Variants in LCORL observed in about 807,000 individuals in gnomAD.
LCORL encodes ligand-dependent nuclear receptor corepressor-like protein.
In LCORL, 41 loss-of-function variants were observed where a neutral mutation model predicts 141.8. The ratio of observed to expected loss-of-function variants is 0.29; its 90% CI spans 0.23 to 0.38. The LOEUF (loss-of-function observed/expected upper bound fraction) is 0.38. LCORL is among the 10% of genes least tolerant of loss of function. LCORL has a pLI of 1.00. For synonymous variants in LCORL, 618 were observed against 694.1 expected, an observed-to-expected ratio of 0.89 and a Z score of 1.72; for missense variants, 1,759 against 2,035.0, an observed-to-expected ratio of 0.86 and a Z score of 2.61.
In LCORL at chr4:18,021,170, G is replaced by C. The variant is rs1725498448; in HGVS notation, c.154+428C>G. On this transcript the variant is annotated intron_variant, in intron 1 of 7. Coordinates refer to ENST00000635767, the Ensembl canonical transcript of LCORL. The surrounding 1 kb of genome is among the most constrained non-coding windows in gnomAD (Gnocchi z 5.5). ...GTGTGTGTGCGCTCGGCGGGGGCGC[G>C]GACCAGCCCGCCTTCCTCCGGCCGC... is the stretch of plus-strand genomic sequence containing the variant. Among the ~76,000 whole-genome samples, 4 of 151,906 alleles carry C rather than the reference G, an allele frequency of 2.6e-5. No individual in the cohort carries two copies. The highest frequency in any genetic ancestry group is 9.7e-5 in the African/African-American group (4 of 41,394).
At chr4:17,899,303 C>T (rs1315483226) in intron 5 of LCORL, among the ~76,000 whole-genome samples, 1 of 151,952 alleles carries the variant, frequency 6.6e-6, no homozygotes, top group Admixed American at 6.6e-5. Flanking sequence ...TGGAATTTAT[C>T]ATTTTCTTAT....
chr4:17,933,756 T>C (rs1044985227), intron 4 of LCORL, among the ~76,000 whole-genome samples: 15 of 152,078 alleles, frequency 9.9e-5, no homozygotes, highest in Non-Finnish European at 2.2e-4. Flanking sequence ...GCAATTACTG[T>C]CATATGTAAA....
intron 1 of LCORL, among the ~76,000 whole-genome samples, chr4:17,992,685 TAACA>T (rs1222568453): frequency 6.6e-6 from 1 of 152,196 alleles, no homozygotes; most frequent in Non-Finnish European, 1.5e-5. Flanking sequence ...TTGACCTCCA[TAACA>T]AACAGACTCT....
At chr4:17,954,458 T>TA (rs1712162415) in intron 4 of LCORL, among the ~76,000 whole-genome samples, 1 of 152,172 alleles carries the variant, frequency 6.6e-6, no homozygotes, top group Admixed American at 6.5e-5. Flanking sequence ...CCAGACCACA[T>TA]AGAGTCCTTG....
At chr4:17,940,118 A>ATATATATGTATATGTG (rs1737623934) in intron 4 of LCORL, among the ~76,000 whole-genome samples, 2 of 118,896 alleles carry the variant, frequency 1.7e-5, no homozygotes, top group Admixed American at 9.0e-5. Flanking sequence ...ATGTGTGTGT[A>ATATATATGTATATGTG]TATATATATG....
intron 4 of LCORL, among the ~76,000 whole-genome samples, chr4:17,916,915 C>T (rs1014762082): frequency 4.0e-5 from 6 of 151,872 alleles, no homozygotes; most frequent in East Asian, 1.9e-4. Flanking sequence ...AAAGTACTGG[C>T]GTGAGCCACC....
chr4:17,988,605 ATTTC>A (rs1418496914), intron 1 of LCORL, among the ~76,000 whole-genome samples: 9 of 148,334 alleles, frequency 6.1e-5, no homozygotes, highest in South Asian at 2.2e-4. Flanking sequence ...ACATTTTATC[ATTTC>A]TTTAATAAAG....
In LCORL at chr4:17,890,399, T is replaced by C. The variant is rs376056422; in HGVS notation, c.683-4238A>G. Among the ~76,000 whole-genome samples the C allele has an allele frequency of 7.2e-5, 11 of 152,204 alleles. No homozygotes were observed. In the East Asian group the frequency reaches 1.5e-3, roughly 21 times the overall value. On this transcript the variant is annotated intron_variant, in intron 5 of 7. Transcript: ENST00000635767. ...ATAAATAGGTGGTATCATTGGTTGCTTCCAAGGGTAAACAAAAAGATCTAA... is the reference window on the plus strand; with the variant it reads ...ATAAATAGGTGGTATCATTGGTTGCCTCCAAGGGTAAACAAAAAGATCTAA...
chr4:17,992,995 A>G (rs1028115993), intron 1 of LCORL, among the ~76,000 whole-genome samples: 1 of 152,212 alleles, frequency 6.6e-6, no homozygotes, highest in Non-Finnish European at 1.5e-5. Flanking sequence ...GCCCAAGTGG[A>G]GTCTTAATGG....
intron 1 of LCORL, among the ~76,000 whole-genome samples, chr4:17,977,163 T>C (rs1451231211): frequency 6.6e-6 from 1 of 152,206 alleles, no homozygotes; most frequent in African/African-American, 2.4e-5. Flanking sequence ...CACCAGTTTA[T>C]TTCTCAGTAT....
intron 7 of LCORL, among the ~76,000 whole-genome samples, chr4:17,852,086 G>C (rs1723793889): frequency 6.6e-6 from 1 of 151,998 alleles, no homozygotes; most frequent in Non-Finnish European, 1.5e-5. Flanking sequence ...ATCTCTTATG[G>C]TGGTTTTCTC....
intron 1 of LCORL, among the ~76,000 whole-genome samples, chr4:17,973,247 A>T (rs1221872622): frequency 1.3e-5 from 2 of 151,826 alleles, no homozygotes; most frequent in African/African-American, 4.8e-5. Context: ...TGTTTGTTTT[A>T]AAAAAGTAAA....
chr4:17,996,383 G>A (rs1487586310), intron 1 of LCORL, among the ~76,000 whole-genome samples: 1 of 152,014 alleles, frequency 6.6e-6, no homozygotes, highest in Admixed American at 6.5e-5. Context: ...AATTTAAATA[G>A]GAGGTTTGTT....
At chr4:17,859,328 G>A (rs979231446) in intron 7 of LCORL, among the ~76,000 whole-genome samples, 1 of 152,134 alleles carries the variant, frequency 6.6e-6, no homozygotes, top group African/African-American at 2.4e-5. Flanking sequence ...ACTTACAAGG[G>A]TTTATTGGGA....
intron 4 of LCORL, among the ~76,000 whole-genome samples, chr4:17,930,069 G>C (rs1235688407): frequency 6.6e-6 from 1 of 152,092 alleles, no homozygotes. Flanking sequence ...TTCATACCCA[G>C]TAAGACTGTT....
chr4:17,859,856 A>G (rs1056665714), intron 7 of LCORL, among the ~76,000 whole-genome samples: 5 of 152,234 alleles, frequency 3.3e-5, no homozygotes, highest in Admixed American at 2.0e-4. Flanking sequence ...AATCCCATTC[A>G]CAATAGCCAC....
chr4:17,934,111 G>T (rs1262460087), intron 4 of LCORL, among the ~76,000 whole-genome samples: 1 of 151,988 alleles, frequency 6.6e-6, no homozygotes, highest in Non-Finnish European at 1.5e-5. Context: ...GATTTTTAGG[G>T]AAGTGATATA....
exon 7 of LCORL, chr4:17,874,531 G>T: frequency 8.1e-7 from 1 of 1,233,698 alleles, no homozygotes; most frequent in Non-Finnish European, 1.0e-6. Flanking sequence ...GAAACTTCAA[G>T]TTCTAAAAGA....
exon 8 of LCORL, chr4:17,842,590 G>T: frequency 2.0e-6 from 1 of 509,728 alleles, no homozygotes; most frequent in Non-Finnish European, 3.6e-6. Flanking sequence ...TAGCTGGCAT[G>T]GTCTTTAGTA....
Sources: gnomAD v4.1 joint callset for allele counts (sites outside exome capture counted in the v4.1 genomes callset) on GRCh38, gnomAD v4.1.1 for gene constraint, Gnocchi (gnomAD v3.1) non-coding constraint, MANE v1.5 for transcripts, NCBI Gene and HGNC (gene_info 2026-07-23, HGNC 2026-07-21) for gene names.